Variants in WWC1 observed in about 807,000 individuals in gnomAD.
The protein encoded by WWC1 is WW and C2 domain containing 1.
A neutral mutation model predicts 138.4 loss-of-function variants in WWC1; 55 were observed. That is an observed-to-expected ratio of 0.40 (90% confidence interval 0.32 to 0.50). The LOEUF (loss-of-function observed/expected upper bound fraction) is 0.50. Among genes scored for constraint, WWC1 ranks in the 20% least tolerant of loss-of-function variants. The pLI is 0.72. For missense variants in WWC1, 1,226 were observed against 1,420.4 expected (o/e 0.86, Z 2.20); for synonymous variants, 524 against 564.9 (o/e 0.93, Z 1.03).
chr5:168,426,474 A>G (rs1176142176), intron 11 of WWC1, among the ~76,000 whole-genome samples: 3 of 152,146 alleles, frequency 2.0e-5, no homozygotes, highest in African/African-American at 7.2e-5. Context: ...AGGTCTCGGG[A>G]TGGCATTTCC....
intron 19 of WWC1, among the ~76,000 whole-genome samples, 192 bp downstream of exon 19, chr5:168,455,712 G>C (rs1343171334): frequency 6.6e-6 from 1 of 152,190 alleles, no homozygotes; most frequent in Admixed American, 6.5e-5. Context: ...AATAGAAAAG[G>C]CTTTGTAATT....
At chr5:168,367,383 G>A (rs1342414957) in intron 1 of WWC1, among the ~76,000 whole-genome samples, 1 of 151,948 alleles carries the variant, frequency 6.6e-6, no homozygotes, top group Non-Finnish European at 1.5e-5. Flanking sequence ...CCAGGCTGGA[G>A]TGCAGTGGCG....
At chr5:168,447,759 ATC>A (rs1755407518) in intron 17 of WWC1, among the ~76,000 whole-genome samples, 2 of 148,464 alleles carry the variant, frequency 1.3e-5, no homozygotes, top group South Asian at 4.3e-4. Flanking sequence ...AATTGTCTCA[ATC>A]TCTCTCTCCC....
At chr5:168,417,358 T>C (rs1780739963) in intron 9 of WWC1, among the ~76,000 whole-genome samples, 1 of 152,094 alleles carries the variant, frequency 6.6e-6, no homozygotes, top group Admixed American at 6.6e-5. Context: ...ATTGTTGGTT[T>C]CTTGAAACTC....
At position 168,406,192 on chromosome 5, in the gene WWC1, T is replaced by G; in HGVS notation, c.591-6T>G. The G allele has an allele frequency of 6.2e-7, 1 of 1,613,476 alleles. No homozygotes were observed. The highest frequency in any genetic ancestry group is 1.3e-5 in the African/African-American group (1 of 75,002). On this transcript the variant is annotated splice_polypyrimidine_tract_variant and splice_region_variant and intron_variant, in intron 5 of 22. Transcript: ENST00000265293. ...AGGCTGACCTTTCCCATTAACTGTC[T>G]CCTAGAATCGATAAGAAAATGTCTG...
intron 1 of WWC1, among the ~76,000 whole-genome samples, chr5:168,309,732 A>T (rs1770898089): frequency 1.3e-5 from 2 of 152,018 alleles, no homozygotes; most frequent in African/African-American, 2.4e-5. Context: ...TCTAAGTAGA[A>T]CATAGAGACC....
intron 5 of WWC1, among the ~76,000 whole-genome samples, chr5:168,404,010 A>T: frequency 6.6e-6 from 1 of 150,432 alleles, no homozygotes; most frequent in East Asian, 1.9e-4. Context: ...TCATCCCAAT[A>T]GTGTTCCCTC....
chr5:168,388,086 T>C (rs1267938860), intron 3 of WWC1, among the ~76,000 whole-genome samples: 1 of 152,158 alleles, frequency 6.6e-6, no homozygotes, highest in Non-Finnish European at 1.5e-5. Context: ...TACTTTTACA[T>C]TGGAGAGATG....
In WWC1 at chr5:168,422,007, G is replaced by A; in HGVS notation, c.1185-1G>A. The A allele has an allele frequency of 1.2e-6, 2 of 1,610,846 alleles. No homozygotes were observed. Among genetic ancestry groups the A allele is most frequent in the Non-Finnish European group, 1.7e-6 (2 of 1,178,098 alleles). Reference sequence around the variant, plus strand: ...CCCTCGCATGCTTTCTCTCCTTCCAGGTTAAAGTTAAACAGTAAGAGGAAC... The same window carrying A: ...CCCTCGCATGCTTTCTCTCCTTCCAAGTTAAAGTTAAACAGTAAGAGGAAC... On this transcript the variant is annotated splice_acceptor_variant, in intron 9 of 22. Transcript: ENST00000265293. LOFTEE classifies it high-confidence loss of function.
At position 168,408,636 on chromosome 5, in the gene WWC1, A is replaced by G; in HGVS notation, c.850A>G (p.Thr284Ala). Residue 284 changes from threonine to alanine, a missense_variant, in exon 7 of 23, where the codon ACA (threonine) becomes GCA (alanine). By Grantham distance (58) the Thr-to-Ala change is moderately conservative. Around this residue, in one of 3 missense-constraint regions of WWC1, gnomAD observed 1,016 missense variants for 1,153.9 expected, o/e 0.88. Coordinates refer to ENST00000265293, the MANE Select transcript of WWC1 (RefSeq NM_015238.3). ...PKQYLDVSSQ[T>A]DISGSFGINS... is the part of the protein sequence containing the mutation. ...ACAGTACCTGGATGTGAGCTCCCAG[A>G]CAGACATCTCGGGAAGCGTGAGTAG... 8.1e-6 allele frequency: 13 copies of G among 1,614,146 alleles called. No individual in the cohort carries two copies. Among genetic ancestry groups the G allele is most frequent in the Non-Finnish European group, 1.1e-5 (13 of 1,179,990 alleles).
intron 3 of WWC1, among the ~76,000 whole-genome samples, chr5:168,387,994 A>G (rs1317211808): frequency 1.3e-5 from 2 of 152,172 alleles, no homozygotes; most frequent in Non-Finnish European, 2.9e-5. Flanking sequence ...ATTTTGGGGG[A>G]CAGGATATTT....
chr5:168,435,399 T>C (rs1782272821), intron 15 of WWC1, among the ~76,000 whole-genome samples: 1 of 152,196 alleles, frequency 6.6e-6, no homozygotes, highest in Non-Finnish European at 1.5e-5. Context: ...ATTTCTCCCA[T>C]GCTCAAAACA....
At chr5:168,465,397 C>G (rs1390496257) in intron 21 of WWC1, among the ~76,000 whole-genome samples, 1 of 120,496 alleles carries the variant, frequency 8.3e-6, no homozygotes, top group Non-Finnish European at 2.1e-5. Context: ...GCTGGTCACA[C>G]CAGGGCCTTC....
rs936736072 is a variant in WWC1 at position 168,336,715 on chromosome 5, C to T, written c.120-34709C>T. ...CACCGTAGGGAAGAAAGACGAAATT[C>T]GTCATTTTACTTGTGTGCTTGGTAT... On this transcript the variant is annotated intron_variant, in intron 1 of 22. Transcript: ENST00000265293. Among the ~76,000 whole-genome samples, 5 of 152,058 alleles carry T rather than the reference C, an allele frequency of 3.3e-5. No homozygotes were observed. In the East Asian group the frequency reaches 5.8e-4, roughly 18 times the overall value.
intron 9 of WWC1, among the ~76,000 whole-genome samples, chr5:168,420,567 A>T (rs1030997626): frequency 6.6e-6 from 1 of 150,998 alleles, no homozygotes; most frequent in East Asian, 2.0e-4. Flanking sequence ...TCTGATAGGG[A>T]CCCCCCCGCC....
rs746226785 is a variant in WWC1 at position 168,424,061 on chromosome 5, G to A, written c.1803G>A (p.Leu601=). 1 of 1,596,848 alleles carries A rather than the reference G, an allele frequency of 6.3e-7. No individual in the cohort carries two copies. The highest frequency in any genetic ancestry group is 8.5e-7 in the Non-Finnish European group (1 of 1,171,686). ...AACCAGGAACGGAGGGCAAGCAGCT[G>A]GGCCAAGGTAGAGAGCACCATACCC... ...LEEPGTEGKQ[L]GQAVNTAQGC... The change falls in exon 11 of 23, where the codon CTG becomes CTA. Residue 601 remains leucine, a synonymous_variant. Coordinates refer to ENST00000265293, the MANE Select transcript of WWC1 (RefSeq NM_015238.3).
rs1471243901 is a variant in WWC1, at chr5:168,470,951, T to G, written c.*1934T>G. Reference sequence around the variant, plus strand: ...ACCCATGTTCCCTCTGTAAGTCTTATGCACACCGCAATTTGAGAGCCCCAC... The same window carrying G: ...ACCCATGTTCCCTCTGTAAGTCTTAGGCACACCGCAATTTGAGAGCCCCAC... On this transcript the variant is annotated 3_prime_UTR_variant, in exon 23 of 23. Coordinates refer to ENST00000265293, the MANE Select transcript of WWC1 (RefSeq NM_015238.3). The G allele has an allele frequency of 1.3e-5, 2 of 152,326 alleles. No individual in the cohort carries two copies. The highest frequency in any genetic ancestry group is 2.9e-5 in the Non-Finnish European group (2 of 68,164). The allele number at this position is 152,326 out of a possible 1,614,324, so 9.4% of individuals were successfully genotyped here.
chr5:168,440,786 G>A (rs1754676887), intron 15 of WWC1, among the ~76,000 whole-genome samples: 1 of 152,078 alleles, frequency 6.6e-6, no homozygotes, highest in Non-Finnish European at 1.5e-5. Context: ...CAAAGTGCTG[G>A]GATTACAGGC....
At chr5:168,444,712 A>G (rs1354579006) in intron 17 of WWC1, 127 bp downstream of exon 17, 1 of 955,922 alleles carries the variant, frequency 1.0e-6, no homozygotes, top group Non-Finnish European at 1.6e-6. Flanking sequence ...CCCTCTCCTC[A>G]TGGGTTCTCT....
Sources: allele counts gnomAD v4.1 joint callset (sites outside exome capture counted in the v4.1 genomes callset), GRCh38; gene constraint gnomAD v4.1.1; regional missense constraint gnomAD v4.1.1; transcripts MANE v1.5; gene names NCBI Gene and HGNC (gene_info 2026-07-23, HGNC 2026-07-21).